Variants in KAT6B observed in about 807,000 individuals in gnomAD.
KAT6B encodes lysine acetyltransferase 6B.
In KAT6B, 10 loss-of-function variants were observed where a neutral mutation model predicts 187.5. The observed-to-expected ratio is 0.05, with a 90% CI of 0.03 to 0.09. KAT6B has a LOEUF of 0.09. Ranked by LOEUF, KAT6B falls within the 10% of genes least tolerant of loss-of-function variation. KAT6B has a pLI of 1.00. For missense variants in KAT6B, 1,952 were observed against 2,558.9 expected (o/e 0.76, Z 5.12); for synonymous variants, 861 against 926.8 (o/e 0.93, Z 1.29).
Position 74,976,260 on chromosome 10 carries a change from T to C in KAT6B, c.1923T>C (p.Pro641=), listed in dbSNP as rs757085952. Residue 641 remains proline, a synonymous_variant, in exon 8 of 18, where the codon CCT becomes CCC. Transcript: ENST00000287239. ...GCAGATTAAAATATAAAGTGACCCC[T>C]CAGATGGGGACCCCCTCACCAGGGA... ...MLGRLKYKVT[P]QMGTPSPGKG... 2.5e-6 allele frequency: 4 copies of C among 1,614,084 alleles called. No homozygotes were observed. In the South Asian group the frequency reaches 4.4e-5, roughly 18 times the overall value.
intron 2 of KAT6B, among the ~76,000 whole-genome samples, chr10:74,839,103 A>T (rs961320250): frequency 1.3e-5 from 2 of 151,492 alleles, no homozygotes; most frequent in Non-Finnish European, 2.9e-5. Flanking sequence ...CAGTGAGCCG[A>T]GATCATGCCA....
intron 3 of KAT6B, among the ~76,000 whole-genome samples, chr10:74,890,799 C>T (rs868248416): frequency 6.6e-6 from 1 of 152,084 alleles, no homozygotes; most frequent in African/African-American, 2.4e-5. Flanking sequence ...TTTTAAAATA[C>T]AGTCACTTTG....
At chr10:75,000,096 T>G (rs966289318) in intron 13 of KAT6B, among the ~76,000 whole-genome samples, 6 of 151,344 alleles carry the variant, frequency 4.0e-5, no homozygotes, top group African/African-American at 1.2e-4. Context: ...CACTTGAACC[T>G]GGGAAGCAGA....
intron 3 of KAT6B, among the ~76,000 whole-genome samples, chr10:74,909,200 A>G (rs1719558889): frequency 6.6e-6 from 1 of 152,132 alleles, no homozygotes; most frequent in African/African-American, 2.4e-5. Context: ...GCGAAACCCC[A>G]TCTCTACTAA....
At chr10:74,897,353 C>T (rs998567207) in intron 3 of KAT6B, among the ~76,000 whole-genome samples, 1 of 152,180 alleles carries the variant, frequency 6.6e-6, no homozygotes, top group African/African-American at 2.4e-5. Flanking sequence ...GTGTCTGTCC[C>T]AGAAGTAATC....
At chr10:75,010,426 T>C (rs1844513570) in intron 13 of KAT6B, among the ~76,000 whole-genome samples, 1 of 152,238 alleles carries the variant, frequency 6.6e-6, no homozygotes, top group Admixed American at 6.5e-5. Flanking sequence ...AAAGAAAATT[T>C]CTAAGGAGAT....
At position 74,888,275 on chromosome 10, in the gene KAT6B, T is replaced by A. The variant is rs572488339; in HGVS notation, c.621+44797T>A. Among the ~76,000 whole-genome samples the A allele has an allele frequency of 2.6e-5, 4 of 152,302 alleles. No individual in the cohort carries two copies. The East Asian group carries it at 5.8e-4, about 22-fold the overall frequency. ...AAATTTGACCATTAAAAGATTGTAA[T>A]GTCTGTATCACCAAAGACAAAATCA... On this transcript the variant is annotated intron_variant, in intron 3 of 17. Coordinates refer to ENST00000287239, the MANE Select transcript of KAT6B (RefSeq NM_012330.4).
At chr10:74,865,242 A>C (rs1200977646) in intron 3 of KAT6B, among the ~76,000 whole-genome samples, 5 of 152,218 alleles carry the variant, frequency 3.3e-5, no homozygotes, top group African/African-American at 9.6e-5. Context: ...ATTTTGGCAT[A>C]TTACTGTATA....
At chr10:75,000,940 G>A (rs1378690684) in intron 13 of KAT6B, among the ~76,000 whole-genome samples, 1 of 152,054 alleles carries the variant, frequency 6.6e-6, no homozygotes, top group Non-Finnish European at 1.5e-5. Context: ...GCTAGAAGAT[G>A]GTGCAAATGG....
intron 3 of KAT6B, among the ~76,000 whole-genome samples, chr10:74,880,583 C>T (rs182960332): frequency 6.6e-5 from 10 of 152,146 alleles, no homozygotes; most frequent in Non-Finnish European, 8.8e-5. Flanking sequence ...GGCTGTATAC[C>T]TAGCAGTGGA....
intron 3 of KAT6B, among the ~76,000 whole-genome samples, chr10:74,927,631 C>T (rs909327138): frequency 6.6e-6 from 1 of 151,960 alleles, no homozygotes; most frequent in African/African-American, 2.4e-5. Flanking sequence ...ATCTCAGTAC[C>T]CCATCTCCCT....
chr10:75,014,940 C>A (rs1050487334), intron 13 of KAT6B, among the ~76,000 whole-genome samples: 1 of 152,202 alleles, frequency 6.6e-6, no homozygotes, highest in African/African-American at 2.4e-5. Flanking sequence ...TAAGTGGCCA[C>A]ACCCTCATCA....
At chr10:74,863,232 A>G (rs1460194632) in intron 3 of KAT6B, among the ~76,000 whole-genome samples, 1 of 152,206 alleles carries the variant, frequency 6.6e-6, no homozygotes, top group Non-Finnish European at 1.5e-5. Flanking sequence ...GCTATATTTA[A>G]ATAAAAAGAA....
chr10:74,829,773 C>G (rs543580167), intron 1 of KAT6B, among the ~76,000 whole-genome samples: 2 of 151,360 alleles, frequency 1.3e-5, no homozygotes, highest in South Asian at 4.2e-4. Flanking sequence ...AATCCCAGCA[C>G]TTTGGGAGGC....
intron 3 of KAT6B, among the ~76,000 whole-genome samples, chr10:74,913,304 AT>A (rs1471951998): frequency 6.6e-6 from 1 of 152,194 alleles, no homozygotes; most frequent in Non-Finnish European, 1.5e-5. Context: ...GTCTCTATAT[AT>A]TATGTTTTTC....
intron 13 of KAT6B, among the ~76,000 whole-genome samples, chr10:75,017,824 T>G (rs1300199275): frequency 1.3e-5 from 2 of 152,242 alleles, no homozygotes; most frequent in Non-Finnish European, 2.9e-5. Flanking sequence ...CTGTACAGTT[T>G]AACATATTAC....
At chr10:75,019,219 A>G (rs1464042349) in intron 13 of KAT6B, among the ~76,000 whole-genome samples, 2 of 152,230 alleles carry the variant, frequency 1.3e-5, no homozygotes, top group Admixed American at 6.5e-5. Context: ...GCACTTAAAC[A>G]TGGGTTAAAG....
rs374506959 is a variant in KAT6B, at chr10:74,969,791, G to A, written c.846+16G>A. The stretch of plus-strand genomic sequence containing the variant: ...CAGAAATGCTGTAAGTATGGCTCCC[G>A]TAATCCGCCTCCAGGTAACTCGCTA... On this transcript the variant is annotated intron_variant, in intron 5 of 17. Coordinates refer to ENST00000287239, the MANE Select transcript of KAT6B (RefSeq NM_012330.4). 3.9e-5 allele frequency: 59 copies of A among 1,530,370 alleles called. No individual in the cohort carries two copies. The highest frequency in any genetic ancestry group is 1.8e-4 in the Admixed American group (11 of 59,878). The allele number at this position is 1,530,370 out of a possible 1,614,324, so 94.8% of individuals were successfully genotyped here.
intron 3 of KAT6B, among the ~76,000 whole-genome samples, chr10:74,848,808 AGATT>A (rs1294040704): frequency 6.6e-6 from 1 of 152,180 alleles, no homozygotes; most frequent in Non-Finnish European, 1.5e-5. Flanking sequence ...ATTCATATGT[AGATT>A]GATTGTACTA....
Sources: allele counts gnomAD v4.1 joint callset (sites outside exome capture counted in the v4.1 genomes callset), GRCh38; gene constraint gnomAD v4.1.1; transcripts MANE v1.5; gene names NCBI Gene and HGNC (gene_info 2026-07-23, HGNC 2026-07-21).